SLC35F3: variants seen among roughly 807,000 people sequenced by gnomAD.
SLC35F3 encodes the protein putative thiamine transporter SLC35F3.
In SLC35F3, 25 loss-of-function variants were observed where a neutral mutation model predicts 49.9. That is an observed-to-expected ratio of 0.50 (90% confidence interval 0.37 to 0.70). The LOEUF is 0.70. Ranked by LOEUF, SLC35F3 falls within the 30% of genes least tolerant of loss-of-function variation. SLC35F3 has a pLI of 0.00. For missense variants in SLC35F3, 525 were observed against 639.8 expected (o/e 0.82, Z 1.94); for synonymous variants, 275 against 265.4 (o/e 1.04, Z -0.35).
rs371885861 is a variant in SLC35F3 at position 233,991,007 on chromosome 1, C to G, written c.283+85249C>G. ...TCCTTTCAGAAGTGAGCATTGTGAA[C>G]TCTCCAAGGCCCCTCTTTTATTAAA... is the stretch of plus-strand genomic sequence containing the variant. On this transcript the variant is annotated intron_variant, in intron 2 of 7. Transcript: ENST00000366618. 3.9e-5 allele frequency among the ~76,000 whole-genome samples: 6 copies of G among 152,270 alleles called. No homozygotes were observed. In the South Asian group the frequency reaches 1.2e-3, roughly 32 times the overall value.
intron 3 of SLC35F3, among the ~76,000 whole-genome samples, chr1:234,270,910 G>A (rs755281152): frequency 8.5e-5 from 13 of 152,228 alleles, no homozygotes; most frequent in Admixed American, 2.0e-4. Flanking sequence ...CATGCTTATA[G>A]AAGGTTTAGT....
At position 234,168,061 on chromosome 1, in the gene SLC35F3, A is replaced by G. The variant is rs144025089; in HGVS notation, c.284-63356A>G. Among the ~76,000 whole-genome samples, 218 of 152,312 alleles carry G rather than the reference A, an allele frequency of 1.4e-3. 1 individual carries two copies. The highest frequency in any genetic ancestry group is 5.1e-3 in the African/African-American group (213 of 41,562). On this transcript the variant is annotated intron_variant, in intron 2 of 7. Transcript: ENST00000366618. ...TATGCAGATGAACTCGTATGTACAA[A>G]AACAAATGATAGGCCAGGTCAGGCC...
At chr1:234,019,517 G>A (rs1265146387) in intron 2 of SLC35F3, among the ~76,000 whole-genome samples, 1 of 152,188 alleles carries the variant, frequency 6.6e-6, no homozygotes, top group Non-Finnish European at 1.5e-5. Flanking sequence ...CCATCTGGAG[G>A]CAGAATTCTC....
intron 2 of SLC35F3, among the ~76,000 whole-genome samples, chr1:234,153,595 A>G (rs1666105743): frequency 6.6e-6 from 1 of 152,190 alleles, no homozygotes; most frequent in African/African-American, 2.4e-5. Context: ...AGCAATTATG[A>G]TATACTGTAT....
In SLC35F3 at chr1:234,323,342, C is replaced by A; in HGVS notation, c.*99C>A. 2.0e-6 allele frequency: 2 copies of A among 1,018,650 alleles called. No homozygotes were observed. The highest frequency in any genetic ancestry group is 3.2e-5 in the South Asian group (2 of 62,864). The allele number at this position is 1,018,650 out of a possible 1,614,324, so 63.1% of individuals were successfully genotyped here. A position where few individuals can be genotyped will look rare whatever the true frequency, so the allele number is the denominator to read the frequency against. ...GTGTACATACCTGTACAGTTTTGGTCATCTGCGGTAAGTTCTATGGTATTT... is the reference window on the plus strand; with the variant it reads ...GTGTACATACCTGTACAGTTTTGGTAATCTGCGGTAAGTTCTATGGTATTT... On this transcript the variant is annotated 3_prime_UTR_variant, in exon 8 of 8. Transcript: ENST00000366618. This position sits in a 1 kb window ranked among gnomAD's most constrained non-coding sequence, Gnocchi z 4.5.
intron 3 of SLC35F3, among the ~76,000 whole-genome samples, chr1:234,289,163 C>G (rs571772136): frequency 6.6e-6 from 1 of 152,132 alleles, no homozygotes. Context: ...AGGATCACCC[C>G]CCTGGGGTCC....
chr1:234,266,886 T>G (rs199563547), intron 3 of SLC35F3, among the ~76,000 whole-genome samples: 4,111 of 149,324 alleles, frequency 0.028, 118 homozygotes, highest in African/African-American at 0.069. Context: ...TTTTTTTTTT[T>G]TTTTTTTTTT....
intron 5 of SLC35F3, 69 bp downstream of exon 5, chr1:234,316,796 G>T: frequency 1.3e-6 from 2 of 1,540,064 alleles, no homozygotes; most frequent in South Asian, 1.2e-5. Context: ...GCTTTAGATC[G>T]CTTGTCCTTT....
At chr1:234,122,072 G>T (rs1665585684) in intron 2 of SLC35F3, among the ~76,000 whole-genome samples, 2 of 152,134 alleles carry the variant, frequency 1.3e-5, no homozygotes, top group Non-Finnish European at 2.9e-5. Context: ...TAATCCTTTG[G>T]GTATGTACCC....
intron 2 of SLC35F3, among the ~76,000 whole-genome samples, chr1:234,155,782 C>A (rs1200229960): frequency 5.6e-5 from 8 of 142,692 alleles, no homozygotes; most frequent in East Asian, 2.1e-4. Context: ...CACAATATAC[C>A]AAAAAAAAAA....
At chr1:234,308,656 C>T (rs1657268661) in intron 3 of SLC35F3, among the ~76,000 whole-genome samples, 2 of 143,610 alleles carry the variant, frequency 1.4e-5, no homozygotes, top group Admixed American at 7.0e-5. Context: ...TCCTCCATTA[C>T]CGTCCTTCTC....
chr1:234,085,101 G>T (rs1664941545), intron 2 of SLC35F3, among the ~76,000 whole-genome samples: 2 of 152,340 alleles, frequency 1.3e-5, no homozygotes, highest in Admixed American at 6.5e-5. Context: ...CATACAGAAA[G>T]AAAGGAGGTT....
chr1:234,265,161 G>T (rs1298958444), intron 3 of SLC35F3, among the ~76,000 whole-genome samples: 2 of 152,050 alleles, frequency 1.3e-5, no homozygotes, highest in Non-Finnish European at 2.9e-5. Flanking sequence ...CCAACAGCCT[G>T]TTCAACACCT....
At chr1:233,953,800 A>C (rs761257325) in intron 2 of SLC35F3, among the ~76,000 whole-genome samples, 1 of 152,204 alleles carries the variant, frequency 6.6e-6, no homozygotes, top group Non-Finnish European at 1.5e-5. Flanking sequence ...GGGAAAAAAG[A>C]CCTGGGTAAG....
chr1:234,100,760 T>C (rs960034158), intron 2 of SLC35F3, among the ~76,000 whole-genome samples: 12 of 152,176 alleles, frequency 7.9e-5, no homozygotes, highest in African/African-American at 2.9e-4. Context: ...AAACATGGCC[T>C]CCCCATGGAG....
At position 233,904,896 on chromosome 1, in the gene SLC35F3, G is replaced by A; in HGVS notation, c.-182G>A. On this transcript the variant is annotated 5_prime_UTR_variant, in exon 1 of 8. Coordinates refer to ENST00000366618, the MANE Select transcript of SLC35F3 (RefSeq NM_173508.4). ...CCGCGCCTGCATCGTGCCGCACGCCGCGGAGGCGCTCGGGTACAGACCGCG... is the reference window on the plus strand; with the variant it reads ...CCGCGCCTGCATCGTGCCGCACGCCACGGAGGCGCTCGGGTACAGACCGCG... The A allele has an allele frequency of 2.1e-6, 1 of 468,210 alleles. No homozygotes were observed. Among genetic ancestry groups the A allele is most frequent in the Non-Finnish European group, 3.5e-6 (1 of 283,120 alleles). The allele number at this position is 468,210 out of a possible 1,614,324, so 29.0% of individuals were successfully genotyped here. A position where few individuals can be genotyped will look rare whatever the true frequency, so the allele number is the denominator to read the frequency against.
At chr1:234,077,527 T>A (rs1346696130) in intron 2 of SLC35F3, among the ~76,000 whole-genome samples, 1 of 152,116 alleles carries the variant, frequency 6.6e-6, no homozygotes, top group Non-Finnish European at 1.5e-5. Context: ...ATGATTCAAT[T>A]ACCTCCACCT....
intron 2 of SLC35F3, among the ~76,000 whole-genome samples, chr1:234,176,046 T>G (rs1245041903): frequency 6.6e-6 from 1 of 152,228 alleles, no homozygotes; most frequent in East Asian, 1.9e-4. Context: ...TGCCTGGGAC[T>G]TGTCCCCACC....
chr1:233,963,428 G>A (rs1469540783), intron 2 of SLC35F3, among the ~76,000 whole-genome samples: 3 of 151,970 alleles, frequency 2.0e-5, no homozygotes, highest in Admixed American at 2.0e-4. Flanking sequence ...AGCCTCCCAA[G>A]TAGCTGGTAC....
Sources: allele counts gnomAD v4.1 joint callset (sites outside exome capture counted in the v4.1 genomes callset), GRCh38; gene constraint gnomAD v4.1.1; non-coding constraint Gnocchi (gnomAD v3.1); transcripts MANE v1.5; gene names NCBI Gene and HGNC (gene_info 2026-07-23, HGNC 2026-07-21).